SLBP: variants seen among roughly 807,000 people sequenced by gnomAD.
The protein encoded by SLBP is histone RNA hairpin-binding protein.
SLBP carries 29 observed loss-of-function variants against 39.2 expected under a neutral mutation model. That is an observed-to-expected ratio of 0.74 (90% CI 0.55 to 1.01). SLBP has a LOEUF of 1.01. SLBP is among the 50% of genes least tolerant of loss of function. The probability of loss-of-function intolerance (pLI) is 0.00; values close to 1 mark genes in which losing one functional copy is unlikely to be tolerated. For synonymous variants in SLBP, 129 were observed against 118.7 expected, an observed-to-expected ratio of 1.09 and a Z score of -0.57; for missense variants, 390 against 350.2, an observed-to-expected ratio of 1.11 and a Z score of -0.91.
chr4:1,702,800 A>C (rs1229280935), intron 3 of SLBP, among the ~76,000 whole-genome samples: 6 of 152,168 alleles, frequency 3.9e-5, no homozygotes, highest in Admixed American at 3.3e-4. Flanking sequence ...CAAGTTTGAG[A>C]CCTTTCCTTG....
chr4:1,696,700 C>T (rs1716118144), intron 5 of SLBP, among the ~76,000 whole-genome samples: 2 of 152,058 alleles, frequency 1.3e-5, no homozygotes, highest in South Asian at 4.1e-4. Context: ...CAGTTCGAGA[C>T]CAGCTTGGCC....
intron 2 of SLBP, among the ~76,000 whole-genome samples, chr4:1,706,388 G>A (rs530140072): frequency 2.5e-4 from 38 of 152,226 alleles, no homozygotes; most frequent in Non-Finnish European, 5.1e-4. Context: ...GTGTATGGAG[G>A]AGTATATGTC....
chr4:1,710,585 G>T (rs1052076948), intron 2 of SLBP, among the ~76,000 whole-genome samples: 1 of 152,240 alleles, frequency 6.6e-6, no homozygotes, highest in African/African-American at 2.4e-5. Flanking sequence ...AAAGAGAAAA[G>T]TAGGTTGAAG....
chr4:1,711,831 T>C, intron 2 of SLBP, 43 bp downstream of exon 2: 2 of 1,125,922 alleles, frequency 1.8e-6, no homozygotes, highest in South Asian at 2.5e-5. Context: ...CGCGGCCTCG[T>C]CAAGGGCCCC....
chr4:1,708,945 A>G (rs1716626289), intron 2 of SLBP, among the ~76,000 whole-genome samples: 1 of 152,212 alleles, frequency 6.6e-6, no homozygotes, highest in Admixed American at 6.5e-5. Flanking sequence ...TAATATTTTT[A>G]TCTTCAGCTA....
intron 2 of SLBP, among the ~76,000 whole-genome samples, chr4:1,708,411 T>C (rs916529719): frequency 6.6e-6 from 1 of 152,220 alleles, no homozygotes; most frequent in African/African-American, 2.4e-5. Context: ...TCAGATAAAC[T>C]TAAATTGGAT....
intron 3 of SLBP, among the ~76,000 whole-genome samples, chr4:1,703,271 G>A (rs1716398343): frequency 6.8e-6 from 1 of 147,634 alleles, no homozygotes; most frequent in Non-Finnish European, 1.5e-5. Flanking sequence ...AGTTCTGATA[G>A]TCCTCCAGCC....
chr4:1,701,617 G>A (rs1350321802), intron 3 of SLBP, among the ~76,000 whole-genome samples: 6 of 152,182 alleles, frequency 3.9e-5, no homozygotes, highest in African/African-American at 1.4e-4. Flanking sequence ...ACTAAAAGCT[G>A]CAGCTTTGGC....
chr4:1,705,910 C>T (rs1381483270), intron 2 of SLBP, among the ~76,000 whole-genome samples: 1 of 152,170 alleles, frequency 6.6e-6, no homozygotes. Flanking sequence ...CACTCTAGCC[C>T]AGGAGGTCAA....
chr4:1,707,862 C>CT (rs943757885), intron 2 of SLBP, among the ~76,000 whole-genome samples: 2 of 152,068 alleles, frequency 1.3e-5, no homozygotes, highest in Non-Finnish European at 2.9e-5. Context: ...AGGCTGATCA[C>CT]TAAGTCAGGA....
At chr4:1,704,081 C>G (rs1560254018) in intron 2 of SLBP, among the ~76,000 whole-genome samples, 1 of 152,110 alleles carries the variant, frequency 6.6e-6, no homozygotes, top group African/African-American at 2.4e-5. Context: ...AGTGTGCCCA[C>G]TGTGTTTGGG....
chr4:1,710,989 T>A (rs866361624), intron 2 of SLBP, among the ~76,000 whole-genome samples: 4 of 144,020 alleles, frequency 2.8e-5, no homozygotes, highest in Middle Eastern at 3.6e-3. Flanking sequence ...AGGGGGAGGC[T>A]GCAGTGAGCC....
chr4:1,710,570 A>T (rs1030521219), intron 2 of SLBP, among the ~76,000 whole-genome samples: 1 of 152,254 alleles, frequency 6.6e-6, no homozygotes, highest in Non-Finnish European at 1.5e-5. Context: ...GGGCTTCAAT[A>T]TTTAAAAGAG....
At chr4:1,695,805 C>T (rs1286666898) in intron 6 of SLBP, among the ~76,000 whole-genome samples, 1 of 151,450 alleles carries the variant, frequency 6.6e-6, no homozygotes, top group Non-Finnish European at 1.5e-5. Context: ...GAAAGAAAGC[C>T]TTCCTTCCTT....
At chr4:1,697,954 C>T (rs1716176948) in intron 5 of SLBP, among the ~76,000 whole-genome samples, 1 of 151,884 alleles carries the variant, frequency 6.6e-6, no homozygotes, top group Non-Finnish European at 1.5e-5. Flanking sequence ...AGGGAGACTC[C>T]CATCTCTATA....
In SLBP at chr4:1,711,797, G is replaced by C. The variant is rs965360536; in HGVS notation, c.176+77C>G. On this transcript the variant is annotated intron_variant, in intron 2 of 7. Coordinates refer to ENST00000489418, the MANE Select transcript of SLBP (RefSeq NM_006527.4). ...GACCTGACCGATCCCGGCACCGCGA[G>C]AGCGCGACGAGGTCCCTGGAGCCCG... The C allele has an allele frequency of 2.0e-5, 15 of 738,910 alleles. No homozygotes were observed. The East Asian group carries it at 2.8e-4, about 14-fold the overall frequency. The allele number at this position is 738,910 out of a possible 1,614,324, so 45.8% of individuals were successfully genotyped here. A position where few individuals can be genotyped will look rare whatever the true frequency, so the allele number is the denominator to read the frequency against.
intron 6 of SLBP, among the ~76,000 whole-genome samples, chr4:1,695,651 C>A (rs139759917): frequency 3.3e-5 from 5 of 151,882 alleles, no homozygotes; most frequent in African/African-American, 1.2e-4. Context: ...CGTGGTGGCG[C>A]GTGCCTGTAA....
At chr4:1,711,842 A>ACCGCGCC in intron 2 of SLBP, 32 bp downstream of exon 2, 6 of 1,209,662 alleles carry the variant, frequency 5.0e-6, no homozygotes, top group Non-Finnish European at 6.3e-6. Flanking sequence ...CAAGGGCCCC[A>ACCGCGCC]CCGCGCCCCG....
rs1449511960 is a variant in SLBP at position 1,708,125 on chromosome 4, T to C, written c.176+3749A>G. ...AAAATCAGGCGGGCGTGGTGGCGCA[T>C]GCCTGTAGTCCCAGCTACTTGGAGG... On this transcript the variant is annotated intron_variant, in intron 2 of 7. Transcript: ENST00000489418. Among the ~76,000 whole-genome samples, 3 of 148,200 alleles carry C rather than the reference T, an allele frequency of 2.0e-5. No individual in the cohort carries two copies. The East Asian group carries it at 5.9e-4, about 29-fold the overall frequency.
Sources: allele counts gnomAD v4.1 joint callset (sites outside exome capture counted in the v4.1 genomes callset), GRCh38; gene constraint gnomAD v4.1.1; transcripts MANE v1.5; gene names NCBI Gene and HGNC (gene_info 2026-07-23, HGNC 2026-07-21).